The following GPM6A variants were observed in gnomAD, a reference collection of about 807,000 sequenced individuals.
GPM6A encodes neuronal membrane glycoprotein M6-a.
A neutral mutation model predicts 32.1 loss-of-function variants in GPM6A; 7 were observed. That is an observed-to-expected ratio of 0.22 (90% CI 0.12 to 0.41). GPM6A has a LOEUF of 0.41. GPM6A is among the 10% of genes least tolerant of loss of function. The probability of loss-of-function intolerance (pLI) is 1.00; values close to 1 mark genes in which losing one functional copy is unlikely to be tolerated. For synonymous variants in GPM6A, 130 were observed against 123.4 expected (o/e 1.05, Z -0.35); for missense variants, 235 against 347.2 (o/e 0.68, Z 2.57).
At chr4:175,892,511 T>A (rs1737678295) in intron 1 of GPM6A, among the ~76,000 whole-genome samples, 1 of 152,212 alleles carries the variant, frequency 6.6e-6, no homozygotes, top group Non-Finnish European at 1.5e-5. Flanking sequence ...TATTTTTACT[T>A]CTTATACTTA....
At chr4:175,981,265 G>T (rs539938408) in intron 1 of GPM6A, among the ~76,000 whole-genome samples, 1 of 152,108 alleles carries the variant, frequency 6.6e-6, no homozygotes, top group African/African-American at 2.4e-5. Context: ...CTTTTAAAGG[G>T]ATATAACTTG....
At chr4:175,981,951 T>A (rs753923567) in intron 1 of GPM6A, among the ~76,000 whole-genome samples, 5 of 152,102 alleles carry the variant, frequency 3.3e-5, no homozygotes, top group Non-Finnish European at 7.4e-5. Context: ...TAAAAAAAAC[T>A]ATTCCCATAG....
chr4:175,798,746 A>T (rs773756958), intron 1 of GPM6A: 8 of 152,110 alleles, frequency 5.3e-5, no homozygotes, highest in Non-Finnish European at 1.0e-4. Flanking sequence ...CTTAATCCTG[A>T]GTCGATTCTT....
At chr4:175,895,540 A>C (rs551212219) in intron 1 of GPM6A, among the ~76,000 whole-genome samples, 4 of 152,314 alleles carry the variant, frequency 2.6e-5, no homozygotes, top group African/African-American at 9.6e-5. Context: ...TAATATCTAC[A>C]GGTATGTATA....
At chr4:175,961,667 A>G (rs990787087) in intron 1 of GPM6A, among the ~76,000 whole-genome samples, 1 of 152,204 alleles carries the variant, frequency 6.6e-6, no homozygotes, top group Non-Finnish European at 1.5e-5. Flanking sequence ...AGAGAAGATC[A>G]GAGAAAAATC....
intron 2 of GPM6A, among the ~76,000 whole-genome samples, chr4:175,698,893 C>T (rs191419821): frequency 1.1e-4 from 16 of 152,290 alleles, no homozygotes; most frequent in African/African-American, 3.6e-4. Flanking sequence ...CCCCTACATA[C>T]ACTGCCTTTA....
chr4:175,857,726 T>C (rs1304583868), intron 1 of GPM6A, among the ~76,000 whole-genome samples: 1 of 151,538 alleles, frequency 6.6e-6, no homozygotes, highest in Non-Finnish European at 1.5e-5. Flanking sequence ...CTGATAAAGA[T>C]TTTCTGAAAA....
chr4:175,785,536 T>C lies in GPM6A; in HGVS notation c.37+26655A>G, dbSNP rs1733766104. ...ACATTAACTATTGTTATAGTTATTA[T>C]TCTCATCTCCTCTAAATCACCCTTA... On this transcript the variant is annotated intron_variant, in intron 1 of 6. Coordinates refer to ENST00000393658, the MANE Select transcript of GPM6A (RefSeq NM_201591.3). Among the ~76,000 whole-genome samples, 3 of 152,230 alleles carry C rather than the reference T, an allele frequency of 2.0e-5. No individual in the cohort carries two copies. The South Asian group carries it at 6.2e-4, about 32-fold the overall frequency.
chr4:175,822,218 A>G (rs1230576223), intron 1 of GPM6A, among the ~76,000 whole-genome samples: 3 of 152,024 alleles, frequency 2.0e-5, no homozygotes, highest in African/African-American at 7.2e-5. Context: ...TCTGATGTTA[A>G]ACTCTGTTTG....
rs35653197 is a variant in GPM6A at position 175,936,306 on chromosome 4, CAAAAAAAAAAAAA to C, written c.-23+65990_-23+66002del. On this transcript the variant is annotated intron_variant, in intron 1 of 7. Transcript: ENST00000280187. ...GGGCGACACAGCGAGACTCTGTCTC[CAAAAAAAAAAAAA>C]AAAAAAAAAAAAAAAAACTATACAT... is the stretch of plus-strand genomic sequence containing the variant. 3.5e-4 allele frequency among the ~76,000 whole-genome samples: 16 copies of C among 45,600 alleles called. No individual in the cohort carries two copies. The South Asian group carries it at 0.018, about 52-fold the overall frequency. 29.9% of individuals were successfully genotyped at this position (45,600 alleles called of 152,430 possible). A position where few individuals can be genotyped will look rare whatever the true frequency, so the allele number is the denominator to read the frequency against.
At chr4:175,889,703 C>T (rs563466740) in intron 1 of GPM6A, among the ~76,000 whole-genome samples, 29 of 152,222 alleles carry the variant, frequency 1.9e-4, no homozygotes, top group African/African-American at 5.8e-4. Flanking sequence ...GTCCCAGCTA[C>T]TCGGGAGGCT....
chr4:175,872,367 C>T (rs940383848), intron 1 of GPM6A, among the ~76,000 whole-genome samples: 1 of 152,160 alleles, frequency 6.6e-6, no homozygotes, highest in African/African-American at 2.4e-5. Flanking sequence ...AAATTGCTTC[C>T]AGGGCTTCTT....
chr4:175,819,456 A>G (rs1735209184), intron 1 of GPM6A, among the ~76,000 whole-genome samples: 1 of 152,228 alleles, frequency 6.6e-6, no homozygotes, highest in Admixed American at 6.5e-5. Flanking sequence ...AAAGTATGAT[A>G]GGTGCAATTA....
chr4:175,679,918 C>T (rs917486173), intron 2 of GPM6A, among the ~76,000 whole-genome samples: 1 of 152,186 alleles, frequency 6.6e-6, no homozygotes, highest in Non-Finnish European at 1.5e-5. Context: ...ACCTTGCACA[C>T]ACCTCTTTCA....
At chr4:175,708,330 G>C (rs1745325168) in intron 1 of GPM6A, among the ~76,000 whole-genome samples, 1 of 151,902 alleles carries the variant, frequency 6.6e-6, no homozygotes, top group Non-Finnish European at 1.5e-5. Context: ...GAGGTAAAGG[G>C]ATCATCCAAG....
At chr4:175,939,262 C>A (rs1176215075) in intron 1 of GPM6A, among the ~76,000 whole-genome samples, 2 of 152,096 alleles carry the variant, frequency 1.3e-5, no homozygotes, top group Admixed American at 1.3e-4. Flanking sequence ...GGCCAAAGAG[C>A]CCTGAGGGGG....
At chr4:175,854,895 C>T (rs1736369633) in intron 1 of GPM6A, among the ~76,000 whole-genome samples, 1 of 152,186 alleles carries the variant, frequency 6.6e-6, no homozygotes, top group Non-Finnish European at 1.5e-5. Flanking sequence ...GCACCAGTTG[C>T]TCACACAGAG....
intron 1 of GPM6A, among the ~76,000 whole-genome samples, chr4:175,999,794 C>T (rs988252614): frequency 6.6e-5 from 10 of 152,276 alleles, no homozygotes; most frequent in Admixed American, 2.6e-4. Flanking sequence ...TTGGCGCAAT[C>T]CAGCATTCTC....
chr4:175,739,548 A>T (rs1371062627), intron 1 of GPM6A, among the ~76,000 whole-genome samples: 1 of 152,158 alleles, frequency 6.6e-6, no homozygotes, highest in African/African-American at 2.4e-5. Context: ...AACTATATGC[A>T]TTAGGGAAAT....
Sources: allele counts gnomAD v4.1 joint callset (sites outside exome capture counted in the v4.1 genomes callset), GRCh38; gene constraint gnomAD v4.1.1; transcripts MANE v1.5; gene names NCBI Gene and HGNC (gene_info 2026-07-23, HGNC 2026-07-21).